The following ACOT12 variants were observed in gnomAD, a reference collection of about 807,000 sequenced individuals.
The protein encoded by ACOT12 is acetyl-coenzyme A thioesterase.
A neutral mutation model predicts 67.7 loss-of-function variants in ACOT12; 51 were observed. The ratio of observed to expected loss-of-function variants is 0.75; its 90% CI spans 0.60 to 0.95. ACOT12 has a LOEUF of 0.95. ACOT12 is among the 40% of genes least tolerant of loss of function. The pLI, the probability that ACOT12 is intolerant of heterozygous loss-of-function variation, is 0.00. For synonymous variants in ACOT12, 251 were observed against 244.6 expected, an observed-to-expected ratio of 1.03 and a Z score of -0.24; for missense variants, 734 against 708.1, an observed-to-expected ratio of 1.04 and a Z score of -0.41.
intron 12 of ACOT12, among the ~76,000 whole-genome samples, chr5:81,333,055 T>G (rs1234257561): frequency 1.4e-5 from 2 of 142,164 alleles, no homozygotes; most frequent in African/African-American, 2.7e-5. Flanking sequence ...GGTGACACAG[T>G]GAGATCTTAA....
intron 3 of ACOT12, among the ~76,000 whole-genome samples, chr5:81,364,751 A>C (rs566196329): frequency 6.6e-6 from 1 of 152,282 alleles, no homozygotes; most frequent in South Asian, 2.1e-4. Context: ...AAAATTTGGC[A>C]TTATATGAAA....
downstream of ACOT12, among the ~76,000 whole-genome samples, chr5:81,327,241 T>C (rs201197313): frequency 4.5e-4 from 45 of 99,242 alleles, 1 homozygote; most frequent in African/African-American, 1.0e-3. Flanking sequence ...CATACACACA[T>C]ATATATATAT....
chr5:81,330,935 GT>G lies in ACOT12; in HGVS notation c.1396del (p.Thr466LeufsTer6). ...SRRKPLKDGN[T>X]YTVAVKSVIL... ...GACCGACTTCACTGCCACTGTGTAAGTGTTACTGAAAGAAAACACTTTCTAA... is the reference window on the plus strand; with the variant it reads ...GACCGACTTCACTGCCACTGTGTAAGGTTACTGAAAGAAAACACTTTCTAA... On this transcript the variant is annotated frameshift_variant, in exon 14 of 15. Coordinates refer to ENST00000307624, the MANE Select transcript of ACOT12 (RefSeq NM_130767.3). LOFTEE classifies it high-confidence loss of function. The G allele has an allele frequency of 6.3e-7, 1 of 1,593,226 alleles. No individual in the cohort carries two copies. The highest frequency in any genetic ancestry group is 8.5e-7 in the Non-Finnish European group (1 of 1,171,840).
At chr5:81,369,893 A>G (rs1292830225) in intron 3 of ACOT12, among the ~76,000 whole-genome samples, 3 of 152,224 alleles carry the variant, frequency 2.0e-5, no homozygotes, top group African/African-American at 7.2e-5. Context: ...CTCCAGAAAC[A>G]CCATTTGCTG....
chr5:81,331,316 T>C (rs1259175046), intron 13 of ACOT12, among the ~76,000 whole-genome samples: 1 of 152,172 alleles, frequency 6.6e-6, no homozygotes, highest in African/African-American at 2.4e-5. Context: ...GGCAGGCAGA[T>C]CACCTGAGGT....
downstream of ACOT12, among the ~76,000 whole-genome samples, chr5:81,329,382 T>C (rs1451308763): frequency 1.3e-5 from 2 of 152,232 alleles, no homozygotes; most frequent in African/African-American, 4.8e-5. Context: ...TAAATGTTAA[T>C]GTATGAAATT....
intron 3 of ACOT12, among the ~76,000 whole-genome samples, chr5:81,367,360 T>C (rs568184995): frequency 6.6e-6 from 1 of 152,312 alleles, no homozygotes; most frequent in East Asian, 1.9e-4. Flanking sequence ...ATAATAACTA[T>C]GTATTGTAGG....
At chr5:81,359,435 C>T (rs1042056121) in intron 5 of ACOT12, among the ~76,000 whole-genome samples, 18 of 152,196 alleles carry the variant, frequency 1.2e-4, no homozygotes, top group Non-Finnish European at 2.5e-4. Context: ...GCAACAGGAG[C>T]AGGATCTTAA....
the ACOT12 span, among the ~76,000 whole-genome samples, chr5:81,323,776 C>CA: frequency 2.7e-5 from 4 of 148,174 alleles, no homozygotes; most frequent in Non-Finnish European, 4.5e-5. Flanking sequence ...AAGAGAGGAG[C>CA]AAAAAAGAGA....
At chr5:81,333,913 C>G (rs1435769148) in intron 12 of ACOT12, among the ~76,000 whole-genome samples, 1 of 152,142 alleles carries the variant, frequency 6.6e-6, no homozygotes, top group African/African-American at 2.4e-5. Flanking sequence ...CCACTGCACC[C>G]CACATCCTGT....
chr5:81,311,243 C>G, the ACOT12 span: 2 of 1,614,092 alleles, frequency 1.2e-6, no homozygotes, highest in Non-Finnish European at 1.7e-6. Flanking sequence ...CTCTGTGGAA[C>G]ATTTAAAGAA....
At position 81,345,996 on chromosome 5, in the gene ACOT12, C is replaced by T. The variant is rs762092579; in HGVS notation, c.662G>A (p.Cys221Tyr). Reference protein sequence around the residue: ...TVATISASRLCWAHPFLKSVD... With the variant: ...TVATISASRLYWAHPFLKSVD... The stretch of plus-strand genomic sequence containing the variant: ...GGACTTCAGAAAGGGATGAGCCCAA[C>T]ACAGGCGGCTGGGGAGACAAAGGGA... The change falls in exon 7 of 15, where the codon TGT becomes TAT. Residue 221 changes from cysteine (C) to tyrosine (Y), a missense_variant. Physicochemically the swap from Cys to Tyr is radical, Grantham distance 194. Transcript: ENST00000307624. The T allele has an allele frequency of 1.2e-6, 2 of 1,613,878 alleles. No homozygotes were observed. Among genetic ancestry groups the T allele is most frequent in the Non-Finnish European group, 1.7e-6 (2 of 1,179,848 alleles).
At chr5:81,343,742 C>T in intron 10 of ACOT12, 76 bp downstream of exon 10, 1 of 1,458,530 alleles carries the variant, frequency 6.9e-7, no homozygotes, top group Non-Finnish European at 9.5e-7. Flanking sequence ...ACAGCCTAGG[C>T]CAGTTAGGCA....
At chr5:81,340,342 G>A (rs1580536226) in intron 11 of ACOT12, among the ~76,000 whole-genome samples, 1 of 150,598 alleles carries the variant, frequency 6.6e-6, no homozygotes, top group Non-Finnish European at 1.5e-5. Flanking sequence ...TGCCCAGAAA[G>A]TATGATTGTT....
intron 2 of ACOT12, 151 bp from the exon 3 acceptor site, chr5:81,371,961 G>A: frequency 3.0e-6 from 2 of 674,416 alleles, no homozygotes. Context: ...AATGATAATG[G>A]AAAAAGACAA....
chr5:81,317,501 CAAAA>C, the ACOT12 span, among the ~76,000 whole-genome samples: 6 of 109,108 alleles, frequency 5.5e-5, no homozygotes, highest in Admixed American at 8.8e-5. Flanking sequence ...GACTCCATCC[CAAAA>C]AAAAAAAAAA....
At chr5:81,343,904 T>C in intron 9 of ACOT12, 23 bp from the exon 10 acceptor site, 1 of 1,600,902 alleles carries the variant, frequency 6.2e-7, no homozygotes, top group Non-Finnish European at 8.5e-7. Context: ...ATTAAAGTGT[T>C]AAATGACAGT....
chr5:81,374,470 A>G (rs190433941), intron 2 of ACOT12, among the ~76,000 whole-genome samples: 1 of 152,320 alleles, frequency 6.6e-6, no homozygotes, highest in Non-Finnish European at 1.5e-5. Flanking sequence ...GGAAGGGAAA[A>G]AAACTGGATG....
intron 2 of ACOT12, among the ~76,000 whole-genome samples, chr5:81,373,690 C>T (rs1450073111): frequency 6.6e-6 from 1 of 152,094 alleles, no homozygotes; most frequent in East Asian, 1.9e-4. Context: ...AGGGGAGGGG[C>T]GTCCACCATT....
Sources: allele counts gnomAD v4.1 joint callset (sites outside exome capture counted in the v4.1 genomes callset), GRCh38; gene constraint gnomAD v4.1.1; transcripts MANE v1.5; gene names NCBI Gene and HGNC (gene_info 2026-07-23, HGNC 2026-07-21).